The following USP16 variants were observed in gnomAD, a reference collection of about 807,000 sequenced individuals.
The protein encoded by USP16 is ubiquitin specific peptidase 16.
Under a neutral mutation model 95.9 loss-of-function variants are expected in USP16, and 77 were observed. The ratio of observed to expected loss-of-function variants is 0.80; its 90% CI spans 0.67 to 0.97. The LOEUF is 0.97. USP16 is among the 50% of genes least tolerant of loss of function. The pLI is 0.00. For synonymous variants in USP16, 303 were observed against 318.2 expected (o/e 0.95, Z 0.51); for missense variants, 943 against 959.9 (o/e 0.98, Z 0.23).
At chr21:29,031,742 AT>A (rs2085080309) in intron 3 of USP16, among the ~76,000 whole-genome samples, 1 of 152,166 alleles carries the variant, frequency 6.6e-6, no homozygotes, top group Non-Finnish European at 1.5e-5. Context: ...CCCAGCCAGG[AT>A]TTTTTGTTTT....
chr21:29,042,435 A>G lies in USP16; in HGVS notation c.1123-37A>G, dbSNP rs556756364. On this transcript the variant is annotated intron_variant, in intron 11 of 17. Coordinates refer to ENST00000399976, the MANE Select transcript of USP16 (RefSeq NM_006447.3). ...GATCTTACTATGTAACATTTACAGT[A>G]TTTACATTTTTACACTGTCTTTTCT... is the stretch of plus-strand genomic sequence containing the variant. 694 of 1,576,336 alleles carry G rather than the reference A, an allele frequency of 4.4e-4. 7 individuals are homozygous for G. In the South Asian group the frequency reaches 7.5e-3, roughly 17 times the overall value.
intron 13 of USP16, 121 bp downstream of exon 13, chr21:29,043,720 A>G (rs946407060): frequency 2.1e-6 from 2 of 936,456 alleles, no homozygotes; most frequent in Admixed American, 4.1e-5. Flanking sequence ...TTCATTTGAC[A>G]ATTACAGAAT....
At chr21:29,037,180 G>GGTT in intron 5 of USP16, 96 bp from the exon 6 acceptor site, 1 of 719,456 alleles carries the variant, frequency 1.4e-6, no homozygotes, top group Non-Finnish European at 2.0e-6. Flanking sequence ...AATGACTTCA[G>GGTT]GTAAACTCAC....
At chr21:29,038,556 C>A in intron 7 of USP16, 126 bp downstream of exon 7, 1 of 746,990 alleles carries the variant, frequency 1.3e-6, no homozygotes, top group Non-Finnish European at 2.2e-6. Flanking sequence ...AGGCTACTAA[C>A]TTAAACAGTT....
chr21:29,026,973 C>T (rs1202723839), intron 1 of USP16, among the ~76,000 whole-genome samples: 1 of 152,090 alleles, frequency 6.6e-6, no homozygotes, highest in African/African-American at 2.4e-5. Flanking sequence ...CTGTTAAATG[C>T]TTCCGATCAA....
At chr21:29,029,638 T>C (rs1266998017) in intron 2 of USP16, among the ~76,000 whole-genome samples, 3 of 152,178 alleles carry the variant, frequency 2.0e-5, no homozygotes, top group African/African-American at 4.8e-5. Context: ...TCTTTACTTA[T>C]CTTGGCCCCA....
Position 29,054,277 on chromosome 21 carries a change from C to A in USP16, c.*90C>A. The A allele has an allele frequency of 7.0e-7, 1 of 1,433,118 alleles. No homozygotes were observed. The highest frequency in any genetic ancestry group is 1.3e-5 in the South Asian group (1 of 77,262). 88.8% of individuals were successfully genotyped at this position (1,433,118 alleles called of 1,614,324 possible). A position where few individuals can be genotyped will look rare whatever the true frequency, so the allele number is the denominator to read the frequency against. On this transcript the variant is annotated 3_prime_UTR_variant, in exon 18 of 18. Coordinates refer to ENST00000399976, the MANE Select transcript of USP16 (RefSeq NM_006447.3). ...AAAAAAGACTAATTAAAATCATGTT[C>A]ACTTAACATTAAATACATGCCAGAA...
At chr21:29,042,381 C>T (rs2085257423) in intron 11 of USP16, 91 bp from the exon 12 acceptor site, 3 of 1,265,080 alleles carry the variant, frequency 2.4e-6, no homozygotes, top group Non-Finnish European at 3.3e-6. Flanking sequence ...AAAACCCATC[C>T]CCTACTCCCC....
intron 3 of USP16, 124 bp from the exon 4 acceptor site, chr21:29,034,713 T>G: frequency 1.2e-6 from 1 of 866,648 alleles, no homozygotes; most frequent in Non-Finnish European, 1.8e-6. Context: ...GTCTAACATT[T>G]TCTTTTCAAG....
chr21:29,042,209 A>G (rs1308367826), intron 11 of USP16, 105 bp downstream of exon 11: 1 of 1,046,120 alleles, frequency 9.6e-7, no homozygotes, highest in African/African-American at 1.6e-5. Flanking sequence ...TATCTTTTTA[A>G]ACTATTCAGA....
chr21:29,034,342 C>G (rs1176177749), intron 3 of USP16, among the ~76,000 whole-genome samples: 2 of 139,668 alleles, frequency 1.4e-5, no homozygotes, highest in African/African-American at 5.4e-5. Context: ...AGTTTTTGCT[C>G]TTGTTGCCCA....
chr21:29,042,255 G>C (rs569663062), intron 11 of USP16, 151 bp downstream of exon 11: 1 of 845,326 alleles, frequency 1.2e-6, no homozygotes, highest in African/African-American at 1.7e-5. Context: ...TGTGGGAAAT[G>C]TCAGCACTCC....
Position 29,039,016 on chromosome 21 carries a change from C to T in USP16, c.733-10C>T. 1 of 1,494,418 alleles carries T rather than the reference C, an allele frequency of 6.7e-7. No homozygotes were observed. The highest frequency in any genetic ancestry group is 8.9e-7 in the Non-Finnish European group (1 of 1,123,236). The allele number at this position is 1,494,418 out of a possible 1,614,324, so 92.6% of individuals were successfully genotyped here. ...TGACTGAAGAAAGTAATTTCTTTTC[C>T]CATATTCAGGAACCATTAGAAATAA... On this transcript the variant is annotated splice_polypyrimidine_tract_variant and intron_variant, in intron 7 of 17. Transcript: ENST00000399976.
At chr21:29,048,116 C>T (rs1601072001) in intron 14 of USP16, among the ~76,000 whole-genome samples, 1 of 147,612 alleles carries the variant, frequency 6.8e-6, no homozygotes, top group South Asian at 2.1e-4. Flanking sequence ...CAGAGTCCTG[C>T]CCTTTCTCCC....
At chr21:29,042,418 T>C (rs1003862040) in intron 11 of USP16, 54 bp from the exon 12 acceptor site, 2 of 1,533,856 alleles carry the variant, frequency 1.3e-6, no homozygotes, top group African/African-American at 2.8e-5. Flanking sequence ...AGGATCTTAC[T>C]ATGTAACATT....
intron 16 of USP16, chr21:29,052,402 C>T (rs1374541800): frequency 1.3e-5 from 2 of 152,410 alleles, no homozygotes; most frequent in Middle Eastern, 3.4e-3. Flanking sequence ...GAGCACGTCA[C>T]ATCTTACATG....
At chr21:29,050,703 C>T (rs1162998792) in intron 16 of USP16, among the ~76,000 whole-genome samples, 1 of 152,086 alleles carries the variant, frequency 6.6e-6, no homozygotes, top group South Asian at 2.1e-4. Flanking sequence ...GTATGTAGTT[C>T]TAGAGTTTAT....
chr21:29,032,096 A>G (rs1601044927), intron 3 of USP16, among the ~76,000 whole-genome samples: 1 of 152,104 alleles, frequency 6.6e-6, no homozygotes, highest in South Asian at 2.1e-4. Context: ...GTATAATCAT[A>G]CCCACCTCCC....
intron 3 of USP16, among the ~76,000 whole-genome samples, chr21:29,033,894 T>C (rs1424469049): frequency 6.6e-6 from 1 of 151,642 alleles, no homozygotes; most frequent in Non-Finnish European, 1.5e-5. Context: ...TCTTGAAGAG[T>C]GGGTGGGATT....
Sources: allele counts gnomAD v4.1 joint callset (sites outside exome capture counted in the v4.1 genomes callset), GRCh38; gene constraint gnomAD v4.1.1; transcripts MANE v1.5; gene names NCBI Gene and HGNC (gene_info 2026-07-23, HGNC 2026-07-21).